The following BRAP variants were observed in gnomAD, a reference collection of about 807,000 sequenced individuals.
The protein encoded by BRAP is BRCA1 associated protein, also known as BRCA1-associated protein.
BRAP carries 42 observed loss-of-function variants against 73.4 expected under a neutral mutation model. The observed-to-expected ratio is 0.57, with a 90% CI of 0.45 to 0.74. BRAP has a LOEUF of 0.74. Ranked by LOEUF, BRAP falls within the 30% of genes least tolerant of loss-of-function variation. The pLI is 0.00. For synonymous variants in BRAP, 255 were observed against 267.4 expected, an observed-to-expected ratio of 0.95 and a Z score of 0.45; for missense variants, 593 against 751.4, an observed-to-expected ratio of 0.79 and a Z score of 2.46.
At position 111,685,863 on chromosome 12, in the gene BRAP, C is replaced by A; in HGVS notation, c.-71G>T. ...CTGGAAGGCGAGCCGAGAGGCCGAG[C>A]GGCCCGGGGCCGGCAGCGCCGCCAC... On this transcript the variant is annotated 5_prime_UTR_variant, in exon 1 of 12. Coordinates refer to ENST00000419234, the MANE Select transcript of BRAP (RefSeq NM_006768.5). The A allele has an allele frequency of 9.2e-7, 1 of 1,083,616 alleles. No homozygotes were observed. The highest frequency in any genetic ancestry group is 2.3e-5 in the South Asian group (1 of 43,648). 67.1% of individuals were successfully genotyped at this position (1,083,616 alleles called of 1,614,324 possible).
intron 4 of BRAP, among the ~76,000 whole-genome samples, chr12:111,674,314 C>G (rs1195050133): frequency 6.6e-6 from 1 of 152,114 alleles, no homozygotes; most frequent in Non-Finnish European, 1.5e-5. Context: ...ATGACGTCAG[C>G]TCACTGCAAC....
At chr12:111,666,886 G>A (rs973757423) in intron 5 of BRAP, among the ~76,000 whole-genome samples, 3 of 152,214 alleles carry the variant, frequency 2.0e-5, no homozygotes, top group Non-Finnish European at 2.9e-5. Flanking sequence ...GCCTCGTGCA[G>A]CAGCCAGCAC....
intron 6 of BRAP, among the ~76,000 whole-genome samples, chr12:111,663,191 C>T (rs1048821902): frequency 2.0e-5 from 3 of 152,142 alleles, no homozygotes; most frequent in Admixed American, 6.5e-5. Context: ...CAGTGGCTGA[C>T]GCCCATAATC....
chr12:111,672,575 T>C, intron 5 of BRAP, 86 bp downstream of exon 5: 1 of 1,206,108 alleles, frequency 8.3e-7, no homozygotes. Flanking sequence ...GACTGGCCTA[T>C]TCTGGGTATT....
At chr12:111,679,941 C>T (rs981550220) in intron 3 of BRAP, among the ~76,000 whole-genome samples, 14 of 150,002 alleles carry the variant, frequency 9.3e-5, no homozygotes, top group African/African-American at 3.2e-4. Flanking sequence ...TGGCTATGGA[C>T]CTCTCTTAAA....
chr12:111,654,279 C>T (rs533460326), intron 10 of BRAP, among the ~76,000 whole-genome samples: 1 of 151,852 alleles, frequency 6.6e-6, no homozygotes, highest in South Asian at 2.1e-4. Flanking sequence ...GTAAGAAGTT[C>T]ATCAATAACT....
chr12:111,652,867 G>A (rs1381476472), intron 10 of BRAP, among the ~76,000 whole-genome samples: 1 of 152,036 alleles, frequency 6.6e-6, no homozygotes, highest in Admixed American at 6.6e-5. Context: ...GTGCCACCAA[G>A]CCTGGCTAAT....
intron 10 of BRAP, among the ~76,000 whole-genome samples, chr12:111,651,660 CAG>C (rs1269908421): frequency 1.5e-4 from 16 of 110,094 alleles, no homozygotes; most frequent in Middle Eastern, 0.015. Flanking sequence ...TTTTTTGAGA[CAG>C]AGTCTTGTTC....
chr12:111,678,577 A>T (rs1887473008), intron 4 of BRAP, among the ~76,000 whole-genome samples: 1 of 151,614 alleles, frequency 6.6e-6, no homozygotes, highest in Non-Finnish European at 1.5e-5. Context: ...AAATCGCTTG[A>T]ACCCGGGAGG....
intron 8 of BRAP, 70 bp from the exon 9 acceptor site, chr12:111,658,915 C>A (rs921411201): frequency 1.6e-6 from 2 of 1,253,230 alleles, no homozygotes; most frequent in African/African-American, 1.5e-5. Flanking sequence ...TTAACTCTGA[C>A]AAAATTTTTT....
At chr12:111,651,225 TTAATAATAA>T (rs112724065) in intron 10 of BRAP, among the ~76,000 whole-genome samples, 60 of 147,064 alleles carry the variant, frequency 4.1e-4, no homozygotes, top group Middle Eastern at 7.2e-3. Context: ...AGCACTAGCT[TTAATAATAA>T]TAATAATAAT....
At chr12:111,671,464 C>T (rs1295196072) in intron 5 of BRAP, among the ~76,000 whole-genome samples, 1 of 151,232 alleles carries the variant, frequency 6.6e-6, no homozygotes. Context: ...GCACAAGAAT[C>T]GCTTGAACCT....
At chr12:111,666,052 G>A (rs112379529) in intron 5 of BRAP, among the ~76,000 whole-genome samples, 11 of 152,148 alleles carry the variant, frequency 7.2e-5, no homozygotes, top group African/African-American at 2.7e-4. Context: ...TTTGACTCCT[G>A]GCAGGATATC....
At chr12:111,683,069 C>G in intron 2 of BRAP, 77 bp downstream of exon 2, 2 of 1,469,634 alleles carry the variant, frequency 1.4e-6, no homozygotes, top group Non-Finnish European at 1.8e-6. Flanking sequence ...AAATTGTAGG[C>G]TCATCAAACA....
intron 4 of BRAP, among the ~76,000 whole-genome samples, chr12:111,678,685 G>GA (rs1465858656): frequency 7.0e-6 from 1 of 143,110 alleles, no homozygotes; most frequent in East Asian, 2.7e-4. Flanking sequence ...AAACACACTA[G>GA]ATTTTTTTTT....
At chr12:111,655,525 C>T in intron 10 of BRAP, 41 bp downstream of exon 10, 1 of 1,516,670 alleles carries the variant, frequency 6.6e-7, no homozygotes, top group Non-Finnish European at 9.2e-7. Context: ...AGTGCCCTGC[C>T]ATGTGTCATT....
chr12:111,650,188 G>A, intron 10 of BRAP, 146 bp from the exon 11 acceptor site: 3 of 465,400 alleles, frequency 6.4e-6, no homozygotes, highest in Middle Eastern at 3.3e-4. Flanking sequence ...CAGTTTCCAG[G>A]CAGGGGAAAA....
chr12:111,685,878 A>G lies in BRAP; in HGVS notation c.-86T>C. The G allele has an allele frequency of 1.1e-6, 1 of 887,034 alleles. No individual in the cohort carries two copies. The highest frequency in any genetic ancestry group is 4.0e-5 in the East Asian group (1 of 25,108). 54.9% of individuals were successfully genotyped at this position (887,034 alleles called of 1,614,324 possible). A position where few individuals can be genotyped will look rare whatever the true frequency, so the allele number is the denominator to read the frequency against. On this transcript the variant is annotated 5_prime_UTR_variant, in exon 1 of 12. Coordinates refer to ENST00000419234, the MANE Select transcript of BRAP (RefSeq NM_006768.5). ...AGAGGCCGAGCGGCCCGGGGCCGGC[A>G]GCGCCGCCACCACCTCAATGCAGTT...
intron 7 of BRAP, 40 bp from the exon 8 acceptor site, chr12:111,659,385 T>C (rs769827643): frequency 3.8e-6 from 6 of 1,587,184 alleles, no homozygotes; most frequent in African/African-American, 1.3e-5. Flanking sequence ...TAAATAAAAA[T>C]AAATGATCTG....
Sources: gnomAD v4.1 joint callset for allele counts (sites outside exome capture counted in the v4.1 genomes callset) on GRCh38, gnomAD v4.1.1 for gene constraint, MANE v1.5 for transcripts, NCBI Gene and HGNC (gene_info 2026-07-23, HGNC 2026-07-21) for gene names.